The following DPP6 variants were observed in gnomAD, a reference collection of about 807,000 sequenced individuals.
The protein encoded by DPP6 is dipeptidyl peptidase like 6, also known as A-type potassium channel modulatory protein DPP6.
In DPP6, 69 loss-of-function variants were observed where a neutral mutation model predicts 122.6. That is an observed-to-expected ratio of 0.56 (90% CI 0.46 to 0.69). The LOEUF (loss-of-function observed/expected upper bound fraction) is 0.69. Ranked by LOEUF, DPP6 falls within the 30% of genes least tolerant of loss-of-function variation. DPP6 has a pLI of 0.00. For missense variants in DPP6, 928 were observed against 1,116.9 expected, an observed-to-expected ratio of 0.83 and a Z score of 2.41; for synonymous variants, 418 against 433.1, an observed-to-expected ratio of 0.97 and a Z score of 0.43.
At chr7:154,647,991 G>A (rs527261049) in intron 6 of DPP6, among the ~76,000 whole-genome samples, 24 of 151,896 alleles carry the variant, frequency 1.6e-4, no homozygotes, top group African/African-American at 4.6e-4. Context: ...TGGCTCACGC[G>A]TGTAATCCCA....
At chr7:154,876,652 C>T (rs1053058782) in intron 20 of DPP6, among the ~76,000 whole-genome samples, 6 of 152,078 alleles carry the variant, frequency 3.9e-5, no homozygotes, top group African/African-American at 7.2e-5. Context: ...CAAGAGCAAC[C>T]GACATCACAG....
intron 1 of DPP6, among the ~76,000 whole-genome samples, chr7:154,420,385 C>T (rs1312539788): frequency 3.9e-5 from 6 of 152,116 alleles, no homozygotes; most frequent in Non-Finnish European, 8.8e-5. Context: ...AAATGTAATG[C>T]TAAGTCAAAT....
chr7:153,793,094 G>C, the DPP6 span, among the ~76,000 whole-genome samples: 18,653 of 148,804 alleles, frequency 0.13, no homozygotes, highest in African/African-American at 0.28. Context: ...GCGGTAAATT[G>C]ATACCAGTAC....
At chr7:154,773,828 C>T (rs534339371) in intron 10 of DPP6, among the ~76,000 whole-genome samples, 5 of 152,242 alleles carry the variant, frequency 3.3e-5, no homozygotes, top group Non-Finnish European at 5.9e-5. Flanking sequence ...GGGCAGGAAT[C>T]GAGGCCTCAG....
At chr7:153,806,756 A>C in the DPP6 span, among the ~76,000 whole-genome samples, 5 of 151,896 alleles carry the variant, frequency 3.3e-5, no homozygotes, top group African/African-American at 9.7e-5. Flanking sequence ...GCCCCTGGTC[A>C]TTTAGGAATG....
the DPP6 span, among the ~76,000 whole-genome samples, chr7:153,773,349 A>G: frequency 6.9e-6 from 1 of 145,704 alleles, no homozygotes; most frequent in Non-Finnish European, 1.5e-5. Flanking sequence ...TAAAGCAGGC[A>G]TAATATTGGT....
In DPP6 at chr7:154,032,888, C is replaced by T. The variant is rs541459617; in HGVS notation, c.51+145154C>T. ...CCCCCTACCCCCTTGTTGTGTGGGG[C>T]AATTCAGCCTTTTCAGGTGGCTTTA... On this transcript the variant is annotated intron_variant, in intron 1 of 25. Transcript: ENST00000404039. 9.3e-4 allele frequency among the ~76,000 whole-genome samples: 92 copies of T among 98,532 alleles called. 1 individual carries two copies. The highest frequency in any genetic ancestry group is 1.4e-3 in the Non-Finnish European group (75 of 53,252). 64.6% of individuals were successfully genotyped at this position (98,532 alleles called of 152,430 possible).
At chr7:154,357,416 A>T (rs1037507566) in intron 1 of DPP6, among the ~76,000 whole-genome samples, 24 of 151,966 alleles carry the variant, frequency 1.6e-4, no homozygotes, top group African/African-American at 4.4e-4. Context: ...ATGCAATTTT[A>T]TTCTAGCCAA....
chr7:154,285,491 C>G (rs537889673), intron 1 of DPP6, among the ~76,000 whole-genome samples: 3 of 152,334 alleles, frequency 2.0e-5, no homozygotes, highest in African/African-American at 7.2e-5. Context: ...TCTCAAACTC[C>G]TGACTTCAGG....
chr7:154,414,953 C>T (rs1816900346), intron 1 of DPP6, among the ~76,000 whole-genome samples: 1 of 152,156 alleles, frequency 6.6e-6, no homozygotes, highest in African/African-American at 2.4e-5. Context: ...GTAGCCAGCC[C>T]TGATGGAGTT....
upstream of DPP6, among the ~76,000 whole-genome samples, chr7:153,883,410 T>A (rs1309044008): frequency 6.6e-6 from 1 of 152,152 alleles, no homozygotes; most frequent in Non-Finnish European, 1.5e-5. Flanking sequence ...GAGACAGAGT[T>A]TCGCTCTTGT....
intron 5 of DPP6, among the ~76,000 whole-genome samples, chr7:154,592,214 A>C (rs1832843614): frequency 6.6e-6 from 1 of 152,238 alleles, no homozygotes; most frequent in South Asian, 2.1e-4. Flanking sequence ...GGCCAGAGTA[A>C]GGCTTGACTG....
chr7:154,676,490 G>A (rs1447596100), intron 7 of DPP6, among the ~76,000 whole-genome samples: 4 of 151,106 alleles, frequency 2.6e-5, no homozygotes, highest in Non-Finnish European at 5.9e-5. Flanking sequence ...GCCATGGGGT[G>A]TGCTGTCTGG....
At chr7:154,066,435 G>C (rs1424960902) in intron 1 of DPP6, among the ~76,000 whole-genome samples, 3 of 152,174 alleles carry the variant, frequency 2.0e-5, no homozygotes, top group Admixed American at 6.5e-5. Flanking sequence ...CTGCTGTTGT[G>C]CCCTGGAGCC....
intron 1 of DPP6, among the ~76,000 whole-genome samples, chr7:154,252,342 G>A (rs1270826186): frequency 2.0e-5 from 3 of 152,220 alleles, no homozygotes; most frequent in Non-Finnish European, 2.9e-5. Flanking sequence ...AACCAGGATT[G>A]GAGACAGAGA....
chr7:154,285,569 A>G (rs1804795168), intron 1 of DPP6, among the ~76,000 whole-genome samples: 1 of 152,136 alleles, frequency 6.6e-6, no homozygotes, highest in Non-Finnish European at 1.5e-5. Flanking sequence ...CCACCCTCCT[A>G]CTAGTTTTAT....
chr7:154,079,862 C>A (rs1381611485), intron 1 of DPP6, among the ~76,000 whole-genome samples: 1 of 151,694 alleles, frequency 6.6e-6, no homozygotes, highest in Non-Finnish European at 1.5e-5. Context: ...CACAGTTGGT[C>A]TCTGGGACTT....
intron 1 of DPP6, among the ~76,000 whole-genome samples, chr7:154,246,079 A>T (rs916201998): frequency 6.6e-6 from 1 of 152,194 alleles, no homozygotes; most frequent in African/African-American, 2.4e-5. Context: ...TTAAATTAGA[A>T]ATCCAAAACA....
chr7:154,199,518 C>A (rs139035445), intron 1 of DPP6, among the ~76,000 whole-genome samples: 45 of 152,064 alleles, frequency 3.0e-4, no homozygotes, highest in African/African-American at 9.2e-4. Context: ...TTTGCCCGTC[C>A]TTTAGATATT....
Sources: gnomAD v4.1 joint callset for allele counts (sites outside exome capture counted in the v4.1 genomes callset) on GRCh38, gnomAD v4.1.1 for gene constraint, MANE v1.5 for transcripts, NCBI Gene and HGNC (gene_info 2026-07-23, HGNC 2026-07-21) for gene names.